CREB5: variants seen among roughly 807,000 people sequenced by gnomAD.
CREB5 encodes cyclic AMP-responsive element-binding protein 5.
In CREB5, 19 loss-of-function variants were observed where a neutral mutation model predicts 57.1. That is an observed-to-expected ratio of 0.33 (90% CI 0.23 to 0.49). The LOEUF (loss-of-function observed/expected upper bound fraction) is 0.49. Ranked by LOEUF, CREB5 falls within the 20% of genes least tolerant of loss-of-function variation. The probability of loss-of-function intolerance (pLI) is 0.99; values close to 1 mark genes in which losing one functional copy is unlikely to be tolerated. For missense variants in CREB5, 579 were observed against 671.6 expected (o/e 0.86, Z 1.52); for synonymous variants, 238 against 238.3 (o/e 1.00, Z 0.01).
At chr7:28,718,903 A>C (rs117306745) in intron 6 of CREB5, 24 bp downstream of exon 6, 6 of 1,613,686 alleles carry the variant, frequency 3.7e-6, no homozygotes, top group South Asian at 3.3e-5. Context: ...TGTGTCTCAC[A>C]ATAGCTTGTC....
intron 1 of CREB5, among the ~76,000 whole-genome samples, chr7:28,313,212 G>A (rs1290349952): frequency 6.6e-6 from 1 of 152,170 alleles, no homozygotes; most frequent in Non-Finnish European, 1.5e-5. Context: ...GATCTAGATG[G>A]TGCTTGAATA....
intron 1 of CREB5, among the ~76,000 whole-genome samples, chr7:28,322,126 T>C (rs534919839): frequency 1.3e-5 from 2 of 152,334 alleles, no homozygotes; most frequent in Admixed American, 6.5e-5. Context: ...AAGACCTTTG[T>C]GCTCTTCTAC....
chr7:28,586,921 CAG>C (rs1463923593), intron 5 of CREB5, among the ~76,000 whole-genome samples: 1 of 152,192 alleles, frequency 6.6e-6, no homozygotes, highest in African/African-American at 2.4e-5. Flanking sequence ...GGCTGCGGAC[CAG>C]AGTGTCCTGG....
In CREB5 at chr7:28,614,093, G is replaced by T. The variant is rs1797507941; in HGVS notation, c.464+43556G>T. Among the ~76,000 whole-genome samples, 5 of 152,226 alleles carry T rather than the reference G, an allele frequency of 3.3e-5. No homozygotes were observed. The South Asian group carries it at 1.0e-3, about 32-fold the overall frequency. On this transcript the variant is annotated intron_variant, in intron 5 of 10. Coordinates refer to ENST00000357727, the MANE Select transcript of CREB5 (RefSeq NM_182898.4). ...TCTCACCTCAGCCTCCTGAGTTGCT[G>T]GGACTACAGGCACACAACCCCACAC...
chr7:28,499,007 T>C (rs1449047631), intron 3 of CREB5, among the ~76,000 whole-genome samples: 1 of 152,088 alleles, frequency 6.6e-6, no homozygotes, highest in African/African-American at 2.4e-5. Flanking sequence ...TATTATATGA[T>C]GCAACGTTTG....
intron 1 of CREB5, among the ~76,000 whole-genome samples, chr7:28,446,174 T>G (rs2128563935): frequency 6.6e-6 from 1 of 152,218 alleles, no homozygotes; most frequent in Non-Finnish European, 1.5e-5. Flanking sequence ...CCTTGTTGTT[T>G]TTGGTTGGTC....
At chr7:28,803,711 G>A (rs993066394) in intron 7 of CREB5, among the ~76,000 whole-genome samples, 2 of 139,646 alleles carry the variant, frequency 1.4e-5, no homozygotes, top group African/African-American at 2.7e-5. Flanking sequence ...AGCCGAGATC[G>A]CACCACTGCA....
chr7:28,591,862 T>C (rs1400538107), intron 5 of CREB5, among the ~76,000 whole-genome samples: 1 of 152,196 alleles, frequency 6.6e-6, no homozygotes, highest in Non-Finnish European at 1.5e-5. Context: ...TTGGGACTCA[T>C]AGGCTCTCTG....
chr7:28,807,172 G>A (rs1378161521), intron 8 of CREB5, among the ~76,000 whole-genome samples: 1 of 152,190 alleles, frequency 6.6e-6, no homozygotes, highest in Admixed American at 6.5e-5. Context: ...TTGCTGGCCT[G>A]GTGCGGTGGC....
chr7:28,511,122 G>GA (rs992185612), intron 4 of CREB5, among the ~76,000 whole-genome samples: 35 of 151,068 alleles, frequency 2.3e-4, no homozygotes, highest in African/African-American at 2.7e-4. Context: ...ATAAATATGT[G>GA]AAAAAAAAAT....
chr7:28,339,846 A>G (rs763793659), intron 1 of CREB5, among the ~76,000 whole-genome samples: 12 of 152,318 alleles, frequency 7.9e-5, no homozygotes, highest in Admixed American at 2.0e-4. Flanking sequence ...CACTCAAACC[A>G]CAAGACAAAG....
At chr7:28,456,551 G>A (rs577632164) in intron 1 of CREB5, among the ~76,000 whole-genome samples, 1 of 152,174 alleles carries the variant, frequency 6.6e-6, no homozygotes. Flanking sequence ...GCTAATGGGG[G>A]TACTACTCCT....
intron 7 of CREB5, among the ~76,000 whole-genome samples, chr7:28,785,374 C>T (rs73079958): frequency 0.046 from 6,950 of 152,264 alleles, 227 homozygotes; most frequent in Middle Eastern, 0.075. Context: ...TGCGTGAATG[C>T]AGGGTTCTCG....
At position 28,451,613 on chromosome 7, in the gene CREB5, T is replaced by C. The variant is rs73075836; in HGVS notation, c.4-36562T>C. 7.3e-3 allele frequency among the ~76,000 whole-genome samples: 1,118 copies of C among 152,196 alleles called. 7 individuals are homozygous for C. Among genetic ancestry groups the C allele is most frequent in the Middle Eastern group, 0.02 (6 of 294 alleles). On this transcript the variant is annotated intron_variant, in intron 1 of 10. Transcript: ENST00000357727. ...ATCTGCCTAGAGGTTTCATGGTACATAGTACATGTATGTGTATGTGTGTGC... is the reference window on the plus strand; with the variant it reads ...ATCTGCCTAGAGGTTTCATGGTACACAGTACATGTATGTGTATGTGTGTGC...
rs145596115 is a variant in CREB5, at chr7:28,546,571, G to A, written c.292-23794G>A. Among the ~76,000 whole-genome samples the A allele has an allele frequency of 3.9e-4, 60 of 152,334 alleles. 3 individuals are homozygous for A. The highest frequency in any genetic ancestry group is 1.3e-3 in the African/African-American group (54 of 41,578). ...TAAGGACAGACTGCATCACTGGCCT[G>A]TGTAGTGGCCAAGACCTGCTCGTAT... On this transcript the variant is annotated intron_variant, in intron 4 of 10. Coordinates refer to ENST00000357727, the MANE Select transcript of CREB5 (RefSeq NM_182898.4).
At chr7:28,714,677 A>G (rs925293112) in intron 5 of CREB5, among the ~76,000 whole-genome samples, 2 of 152,238 alleles carry the variant, frequency 1.3e-5, no homozygotes, top group Non-Finnish European at 2.9e-5. Context: ...CATCCTTGAC[A>G]TTTTAATTGA....
chr7:28,602,954 A>G (rs1796979853), intron 5 of CREB5, among the ~76,000 whole-genome samples: 1 of 152,216 alleles, frequency 6.6e-6, no homozygotes, highest in South Asian at 2.1e-4. Context: ...AGATGTTACC[A>G]TTGGAGGAAA....
chr7:28,455,436 G>A (rs1019244984), intron 1 of CREB5, among the ~76,000 whole-genome samples: 4 of 152,186 alleles, frequency 2.6e-5, no homozygotes, highest in Admixed American at 2.6e-4. Flanking sequence ...AAACATAGAA[G>A]GCAGAAAGGG....
chr7:28,402,767 A>C (rs1185240742), intron 1 of CREB5, among the ~76,000 whole-genome samples: 2 of 152,236 alleles, frequency 1.3e-5, no homozygotes, highest in African/African-American at 2.4e-5. Flanking sequence ...GGCATGGGCA[A>C]GGACTTCATG....
Sources: allele counts gnomAD v4.1 joint callset (sites outside exome capture counted in the v4.1 genomes callset), GRCh38; gene constraint gnomAD v4.1.1; transcripts MANE v1.5; gene names NCBI Gene and HGNC (gene_info 2026-07-23, HGNC 2026-07-21).